Variants in SGO2 observed in about 807,000 individuals in gnomAD.
SGO2 encodes shugoshin 2.
A neutral mutation model predicts 99.5 loss-of-function variants in SGO2; 68 were observed. The ratio of observed to expected loss-of-function variants is 0.68; its 90% CI spans 0.56 to 0.84. SGO2 has a LOEUF of 0.84. Ranked by LOEUF, SGO2 falls within the 40% of genes least tolerant of loss-of-function variation. SGO2 has a pLI of 0.00. For missense variants in SGO2, 1,350 were observed against 1,436.7 expected, an observed-to-expected ratio of 0.94 and a Z score of 0.97; for synonymous variants, 457 against 487.1, an observed-to-expected ratio of 0.94 and a Z score of 0.81.
intron 5 of SGO2, among the ~76,000 whole-genome samples, chr2:200,567,278 T>G (rs1272312813): frequency 1.3e-5 from 2 of 152,232 alleles, no homozygotes; most frequent in East Asian, 3.8e-4. Flanking sequence ...TTTTGTAATT[T>G]GTATGTTTAA....
At chr2:200,556,800 T>C (rs2032737024) in intron 5 of SGO2, among the ~76,000 whole-genome samples, 1 of 151,928 alleles carries the variant, frequency 6.6e-6, no homozygotes, top group South Asian at 2.1e-4. Context: ...AACTATGATA[T>C]CAACCCCAAA....
rs758781707 is a variant in SGO2 at position 200,533,070 on chromosome 2, A to T, written c.95A>T (p.Asn32Ile). The change falls in exon 2 of 9, where the codon AAT becomes ATT. Residue 32 changes from asparagine (N) to isoleucine (I), a missense_variant. Coordinates refer to ENST00000357799, the MANE Select transcript of SGO2 (RefSeq NM_152524.6). ...AGAATTTCAAAGACTACTAAGTTGAATGTTTCTCTTGCTTCAAAAATAAAA... is the reference window on the plus strand; with the variant it reads ...AGAATTTCAAAGACTACTAAGTTGATTGTTTCTCTTGCTTCAAAAATAAAA... Reference protein sequence around the residue: ...DKRISKTTKLNVSLASKIKTK... With the variant: ...DKRISKTTKLIVSLASKIKTK... The T allele has an allele frequency of 7.2e-5, 115 of 1,593,748 alleles. No homozygotes were observed. The highest frequency in any genetic ancestry group is 9.5e-5 in the Non-Finnish European group (112 of 1,174,384).
chr2:200,572,996 T>A lies in SGO2; in HGVS notation c.2650T>A (p.Leu884Met). 6.3e-7 allele frequency: 1 copy of A among 1,580,262 alleles called. No homozygotes were observed. Among genetic ancestry groups the A allele is most frequent in the Non-Finnish European group, 8.6e-7 (1 of 1,168,562 alleles). The change falls in exon 7 of 9, where the codon TTG (leucine) becomes ATG (methionine). Residue 884 changes from leucine to methionine, a missense_variant. Coordinates refer to ENST00000357799, the MANE Select transcript of SGO2 (RefSeq NM_152524.6). ...NLCDYDTQNI[L>M]ELKKYVTDRK... ...ATGTGATTATGACACCCAGAATATA[T>A]TGGAGTTGAAAAAGTATGTTACTGA...
chr2:200,546,178 TA>T (rs61255782), intron 5 of SGO2, among the ~76,000 whole-genome samples: 103,391 of 139,422 alleles, frequency 0.74, 38,375 homozygotes, highest in Non-Finnish European at 0.81. Flanking sequence ...ATAGATTTGC[TA>T]AAAAAAAAAA....
intron 5 of SGO2, among the ~76,000 whole-genome samples, chr2:200,553,968 A>C (rs2032599682): frequency 6.6e-6 from 1 of 152,158 alleles, no homozygotes. Context: ...TTGGCTCTCT[A>C]AGTCTAATTT....
intron 5 of SGO2, among the ~76,000 whole-genome samples, chr2:200,549,510 T>G (rs1263332539): frequency 6.6e-6 from 1 of 152,114 alleles, no homozygotes. Flanking sequence ...CTCAACAAAG[T>G]ACTAGCAAGT....
chr2:200,578,708 A>G (rs12622081), intron 8 of SGO2, among the ~76,000 whole-genome samples: 31,581 of 152,120 alleles, frequency 0.21, 3,516 homozygotes, highest in East Asian at 0.44. Flanking sequence ...GTCTTATATA[A>G]CAAAATGTCA....
Position 200,572,364 on chromosome 2 carries a change from C to T in SGO2, c.2018C>T (p.Ser673Phe), listed in dbSNP as rs1574879529. Residue 673 changes from serine to phenylalanine, a missense_variant, in exon 7 of 9, where the codon TCT becomes TTT. Transcript: ENST00000357799. Reference sequence around the variant, plus strand: ...AAAGAGCTTCAAATCCCAGCTCTTTCTACTAGAGATAATGAAAATCAATGT... The same window carrying T: ...AAAGAGCTTCAAATCCCAGCTCTTTTTACTAGAGATAATGAAAATCAATGT... ...VSKELQIPAL[S>F]TRDNENQCDY... 2 of 1,612,912 alleles carry T rather than the reference C, an allele frequency of 1.2e-6. No homozygotes were observed. The highest frequency in any genetic ancestry group is 4.5e-5 in the East Asian group (2 of 44,858).
chr2:200,545,975 A>T (rs568533415), intron 5 of SGO2, among the ~76,000 whole-genome samples: 23 of 152,270 alleles, frequency 1.5e-4, no homozygotes, highest in African/African-American at 5.5e-4. Context: ...GCCAAATGAG[A>T]GTGGTTGTAG....
At chr2:200,562,224 A>C (rs1482420148) in intron 5 of SGO2, among the ~76,000 whole-genome samples, 1 of 152,028 alleles carries the variant, frequency 6.6e-6, no homozygotes, top group Non-Finnish European at 1.5e-5. Flanking sequence ...ATCTTGAATT[A>C]ATTTTTGTAT....
chr2:200,577,468 A>C (rs901890401), intron 8 of SGO2, among the ~76,000 whole-genome samples: 1 of 152,226 alleles, frequency 6.6e-6, no homozygotes, highest in African/African-American at 2.4e-5. Context: ...GGTTTCCCCT[A>C]TGGTCCTCTC....
intron 5 of SGO2, among the ~76,000 whole-genome samples, chr2:200,550,895 G>A (rs2032453114): frequency 6.6e-6 from 1 of 151,634 alleles, no homozygotes; most frequent in Non-Finnish European, 1.5e-5. Flanking sequence ...ACAAAGTGAA[G>A]AGACAACCCA....
At chr2:200,536,260 G>T (rs1451310961) in intron 4 of SGO2, 118 bp downstream of exon 4, 2 of 537,114 alleles carry the variant, frequency 3.7e-6, no homozygotes, top group South Asian at 6.0e-5. Context: ...AAGGACTGAT[G>T]ATAATATCAG....
chr2:200,534,792 A>G (rs1189645206), intron 2 of SGO2, among the ~76,000 whole-genome samples: 1 of 152,126 alleles, frequency 6.6e-6, no homozygotes, highest in Non-Finnish European at 1.5e-5. Flanking sequence ...CAACTCTTGA[A>G]TTCTTCATCT....
chr2:200,532,925 C>G (rs2031484483), intron 1 of SGO2, 49 bp from the exon 2 acceptor site: 3 of 1,547,836 alleles, frequency 1.9e-6, no homozygotes, highest in Non-Finnish European at 2.6e-6. Context: ...ATCAGTTATA[C>G]TTTTTCTTTT....
chr2:200,535,984 G>T, intron 3 of SGO2, 81 bp from the exon 4 acceptor site: 1 of 828,176 alleles, frequency 1.2e-6, no homozygotes, highest in Non-Finnish European at 1.8e-6. Flanking sequence ...TTCTCACATG[G>T]ATGGCATTCA....
At chr2:200,551,454 G>A in intron 5 of SGO2, among the ~76,000 whole-genome samples, 1 of 152,084 alleles carries the variant, frequency 6.6e-6, no homozygotes, top group East Asian at 1.9e-4. Flanking sequence ...ACCAGAGGCT[G>A]GGAAGGGGGA....
chr2:200,543,664 T>C (rs2106315844), intron 5 of SGO2: 1 of 152,374 alleles, frequency 6.6e-6, no homozygotes, highest in African/African-American at 2.4e-5. Flanking sequence ...TCCATTGACT[T>C]GCCTATTATG....
chr2:200,537,615 T>C (rs1480346249), intron 4 of SGO2, among the ~76,000 whole-genome samples: 1 of 152,186 alleles, frequency 6.6e-6, no homozygotes, highest in East Asian at 1.9e-4. Context: ...CTCTTTATTT[T>C]ACTAAGTTTT....
Sources: allele counts gnomAD v4.1 joint callset (sites outside exome capture counted in the v4.1 genomes callset), GRCh38; gene constraint gnomAD v4.1.1; transcripts MANE v1.5; gene names NCBI Gene and HGNC (gene_info 2026-07-23, HGNC 2026-07-21).